AFG2A: variants seen among roughly 807,000 people sequenced by gnomAD.
AFG2A encodes the protein AAA ATPase AFG2A, also known as ATPase family gene 2 protein homolog A.
At chr4:123,244,825 G>A in the AFG2A span, among the ~76,000 whole-genome samples, 9 of 152,166 alleles carry the variant, frequency 5.9e-5, no homozygotes, top group Non-Finnish European at 1.3e-4. Context: ...TGTATACCTA[G>A]TAGGTGTCTG....
At chr4:123,000,141 T>C in the AFG2A span, among the ~76,000 whole-genome samples, 150 of 150,220 alleles carry the variant, frequency 1.0e-3, no homozygotes, top group African/African-American at 3.5e-3. Flanking sequence ...TTGTGATTTT[T>C]GTACATTGAT....
chr4:123,287,025 C>G, the AFG2A span, among the ~76,000 whole-genome samples: 1 of 152,088 alleles, frequency 6.6e-6, no homozygotes, highest in East Asian at 1.9e-4. Context: ...CAGCTTTGAA[C>G]CAGACATGCT....
At chr4:122,934,756 T>C in the AFG2A span, 1 of 1,532,322 alleles carries the variant, frequency 6.5e-7, no homozygotes, top group Non-Finnish European at 8.7e-7. Context: ...GTCTTCAGTT[T>C]ATTGCACCCA....
the AFG2A span, among the ~76,000 whole-genome samples, chr4:123,050,458 T>C: frequency 1.3e-5 from 2 of 152,216 alleles, no homozygotes; most frequent in African/African-American, 4.8e-5. Flanking sequence ...GAGCTATTAA[T>C]ATTTGCTTTA....
chr4:123,009,638 C>T, the AFG2A span, among the ~76,000 whole-genome samples: 2 of 152,154 alleles, frequency 1.3e-5, no homozygotes, highest in South Asian at 4.2e-4. Flanking sequence ...AATTTCTTTT[C>T]TTATTTTTGA....
At chr4:123,158,471 A>T in the AFG2A span, among the ~76,000 whole-genome samples, 8 of 152,324 alleles carry the variant, frequency 5.3e-5, no homozygotes, top group African/African-American at 1.9e-4. Context: ...TAAGCTATGT[A>T]TTAATTTAAA....
the AFG2A span, among the ~76,000 whole-genome samples, chr4:123,219,923 G>A: frequency 4.9e-3 from 746 of 151,870 alleles, 11 homozygotes; most frequent in African/African-American, 0.017. Flanking sequence ...AGGCTGGAGT[G>A]CAGTGGTGAG....
chr4:123,231,118 C>T, the AFG2A span, among the ~76,000 whole-genome samples: 30 of 152,090 alleles, frequency 2.0e-4, no homozygotes, highest in Middle Eastern at 3.4e-3. Context: ...ACAAGAGAGT[C>T]AGCCTATCCT....
the AFG2A span, among the ~76,000 whole-genome samples, chr4:123,053,251 A>T: frequency 6.6e-6 from 1 of 152,336 alleles, no homozygotes; most frequent in South Asian, 2.1e-4. Flanking sequence ...GCTTGCCACA[A>T]ATCTCACAGG....
chr4:123,247,831 A>G, the AFG2A span, among the ~76,000 whole-genome samples: 1 of 152,172 alleles, frequency 6.6e-6, no homozygotes, highest in Non-Finnish European at 1.5e-5. Context: ...GTTTTATCTC[A>G]TTAAATGATT....
chr4:123,273,610 A>G, the AFG2A span, among the ~76,000 whole-genome samples: 1 of 152,184 alleles, frequency 6.6e-6, no homozygotes, highest in East Asian at 1.9e-4. Context: ...TCCAAAATCC[A>G]AAATGCTCCA....
chr4:122,927,205 T>G, the AFG2A span, among the ~76,000 whole-genome samples: 1 of 152,206 alleles, frequency 6.6e-6, no homozygotes, highest in Non-Finnish European at 1.5e-5. Context: ...AAAGATCTGG[T>G]GACCATAATG....
At chr4:123,315,922 G>T in the AFG2A span, 1 of 152,354 alleles carries the variant, frequency 6.6e-6, no homozygotes, top group East Asian at 1.9e-4. Context: ...AGGACAACAG[G>T]TGCACACTGC....
At chr4:123,043,039 T>C in the AFG2A span, among the ~76,000 whole-genome samples, 2 of 152,212 alleles carry the variant, frequency 1.3e-5, no homozygotes, top group African/African-American at 4.8e-5. Context: ...GCTTTAGAAA[T>C]TGTTTTAATA....
chr4:123,040,864 T>C, the AFG2A span, among the ~76,000 whole-genome samples: 1 of 152,272 alleles, frequency 6.6e-6, no homozygotes, highest in Admixed American at 6.5e-5. Context: ...ATAATTTTAT[T>C]GTGGAAACAT....
chr4:123,055,403 T>C, the AFG2A span, among the ~76,000 whole-genome samples: 1 of 152,294 alleles, frequency 6.6e-6, no homozygotes, highest in Non-Finnish European at 1.5e-5. Context: ...TGATGGTACC[T>C]GTGCATTGCT....
At chr4:123,318,251 G>A in the AFG2A span, 2 of 152,182 alleles carry the variant, frequency 1.3e-5, no homozygotes, top group Non-Finnish European at 1.5e-5. Flanking sequence ...AGAGGAATTT[G>A]TTGCTGAAAG....
the AFG2A span, among the ~76,000 whole-genome samples, chr4:123,217,905 T>C: frequency 6.6e-6 from 1 of 152,214 alleles, no homozygotes; most frequent in South Asian, 2.1e-4. Flanking sequence ...CTGCTGTGGC[T>C]GCATAGGTCA....
chr4:123,243,914 C>T, the AFG2A span, among the ~76,000 whole-genome samples: 3 of 151,808 alleles, frequency 2.0e-5, no homozygotes, highest in Non-Finnish European at 2.9e-5. Context: ...CCCACCTATT[C>T]GGGAGGCTGA....
Sources: allele counts gnomAD v4.1 joint callset (sites outside exome capture counted in the v4.1 genomes callset), GRCh38; gene constraint gnomAD v4.1.1; transcripts MANE v1.5; gene names NCBI Gene and HGNC (gene_info 2026-07-23, HGNC 2026-07-21).